Variants in MGMT observed in about 807,000 individuals in gnomAD.
MGMT encodes the protein O-6-methylguanine-DNA methyltransferase, also known as methylated-DNA--protein-cysteine methyltransferase.
Under a neutral mutation model 15.9 loss-of-function variants are expected in MGMT, and 14 were observed. That is an observed-to-expected ratio of 0.88 (90% CI 0.58 to 1.37). The LOEUF is 1.37. MGMT is among the 40% of genes most tolerant of loss of function. MGMT has a pLI of 0.00. For missense variants in MGMT, 282 were observed against 268.1 expected, an observed-to-expected ratio of 1.05 and a Z score of -0.36; for synonymous variants, 130 against 118.2, an observed-to-expected ratio of 1.10 and a Z score of -0.65.
intron 1 of MGMT, among the ~76,000 whole-genome samples, chr10:129,534,278 T>C (rs537895842): frequency 4.6e-5 from 7 of 152,240 alleles, no homozygotes; most frequent in African/African-American, 1.4e-4. Flanking sequence ...AGCCTGGTTT[T>C]TACCCTTGAG....
intron 3 of MGMT, among the ~76,000 whole-genome samples, chr10:129,726,342 C>A (rs964269576): frequency 6.6e-6 from 1 of 152,116 alleles, no homozygotes; most frequent in East Asian, 1.9e-4. Flanking sequence ...GGGCCACGTG[C>A]AGGTGGAGTC....
intron 2 of MGMT, among the ~76,000 whole-genome samples, chr10:129,649,035 C>T (rs979465153): frequency 2.6e-5 from 4 of 152,172 alleles, no homozygotes; most frequent in African/African-American, 9.7e-5. Flanking sequence ...TCTGCCTTTT[C>T]CTGTGGCTGT....
chr10:129,495,680 A>G (rs924303570), intron 1 of MGMT, among the ~76,000 whole-genome samples: 2 of 152,238 alleles, frequency 1.3e-5, no homozygotes, highest in Non-Finnish European at 2.9e-5. Flanking sequence ...AAACGATTGC[A>G]TGGACATGCC....
intron 1 of MGMT, among the ~76,000 whole-genome samples, chr10:129,476,881 C>G (rs1344570292): frequency 1.3e-5 from 2 of 152,174 alleles, no homozygotes; most frequent in Non-Finnish European, 2.9e-5. Context: ...CAGGGTCCAC[C>G]ACAGGAGTAG....
chr10:129,502,641 C>T (rs1845586187), intron 1 of MGMT, among the ~76,000 whole-genome samples: 3 of 152,170 alleles, frequency 2.0e-5, no homozygotes, highest in East Asian at 1.9e-4. Context: ...AATTTTTTCC[C>T]CTGCATGAAG....
chr10:129,565,703 C>CA (rs761682233), intron 2 of MGMT, among the ~76,000 whole-genome samples: 1 of 152,170 alleles, frequency 6.6e-6, no homozygotes, highest in Non-Finnish European at 1.5e-5. Context: ...GCCATAGCCA[C>CA]AGGAGCATCT....
chr10:129,561,489 T>C (rs925927806), intron 2 of MGMT, among the ~76,000 whole-genome samples: 3 of 152,204 alleles, frequency 2.0e-5, no homozygotes, highest in Non-Finnish European at 2.9e-5. Context: ...GGTGTGGAAA[T>C]AGAAGCTCAG....
intron 2 of MGMT, among the ~76,000 whole-genome samples, chr10:129,616,411 G>C (rs994964983): frequency 6.6e-6 from 1 of 152,186 alleles, no homozygotes; most frequent in African/African-American, 2.4e-5. Flanking sequence ...AAGGGGAAGC[G>C]AGGGCATAGA....
intron 1 of MGMT, among the ~76,000 whole-genome samples, chr10:129,510,523 G>C (rs34327808): frequency 0.15 from 22,244 of 152,128 alleles, 1,709 homozygotes; most frequent in African/African-American, 0.18. Flanking sequence ...TGGAAATTAT[G>C]GCTGACAGAT....
rs549897249 is a variant in MGMT, at chr10:129,500,940, GC to G, written c.-13+33645del. Among the ~76,000 whole-genome samples the G allele has an allele frequency of 3.6e-3, 543 of 152,300 alleles. 3 individuals are homozygous for G. Among genetic ancestry groups the G allele is most frequent in the Non-Finnish European group, 5.0e-3 (339 of 68,028 alleles). ...TAATGTGATTTCTGTTTCACTGACA[GC>G]TTTCATGTAAATTTAAAACTAGATA... On this transcript the variant is annotated intron_variant, in intron 1 of 4. Transcript: ENST00000651593.
intron 2 of MGMT, among the ~76,000 whole-genome samples, chr10:129,696,494 T>C (rs1848033977): frequency 6.6e-6 from 1 of 152,206 alleles, no homozygotes; most frequent in Non-Finnish European, 1.5e-5. Context: ...TACCACAAAA[T>C]CTGAAAAGGC....
intron 3 of MGMT, among the ~76,000 whole-genome samples, chr10:129,746,784 T>A (rs1420489213): frequency 1.3e-5 from 2 of 152,192 alleles, no homozygotes; most frequent in Non-Finnish European, 2.9e-5. Flanking sequence ...TTCTCTAACC[T>A]TTTTTGTCTC....
intron 4 of MGMT, among the ~76,000 whole-genome samples, chr10:129,764,533 G>A (rs1410123166): frequency 6.6e-6 from 1 of 152,254 alleles, no homozygotes; most frequent in African/African-American, 2.4e-5. Flanking sequence ...GAGATGCTGG[G>A]CACACGCCCC....
chr10:129,601,117 T>C (rs1319179616), intron 2 of MGMT, among the ~76,000 whole-genome samples: 1 of 151,726 alleles, frequency 6.6e-6, no homozygotes, highest in South Asian at 2.1e-4. Context: ...AAAACTTAGA[T>C]GTGAAAAATT....
intron 1 of MGMT, among the ~76,000 whole-genome samples, chr10:129,504,751 G>A (rs943281517): frequency 2.6e-5 from 4 of 152,166 alleles, no homozygotes; most frequent in Non-Finnish European, 4.4e-5. Flanking sequence ...CACCTCACAT[G>A]CCACCATGGG....
At chr10:129,558,162 G>A (rs903742060) in intron 2 of MGMT, among the ~76,000 whole-genome samples, 14 of 152,084 alleles carry the variant, frequency 9.2e-5, no homozygotes, top group Admixed American at 3.9e-4. Flanking sequence ...CTTGCGCTTC[G>A]GAGTCTTTTT....
chr10:129,736,758 G>A (rs546615012), intron 3 of MGMT, among the ~76,000 whole-genome samples: 9 of 151,768 alleles, frequency 5.9e-5, no homozygotes, highest in East Asian at 1.9e-4. Flanking sequence ...AGGCCTGGTG[G>A]TGACAAAATC....
At chr10:129,672,875 A>T (rs552113787) in intron 2 of MGMT, among the ~76,000 whole-genome samples, 1 of 152,158 alleles carries the variant, frequency 6.6e-6, no homozygotes, top group Non-Finnish European at 1.5e-5. Context: ...GTGCCATATT[A>T]GTACATTGGA....
intron 2 of MGMT, among the ~76,000 whole-genome samples, chr10:129,544,790 G>A (rs1411910689): frequency 6.6e-6 from 1 of 152,258 alleles, no homozygotes; most frequent in Non-Finnish European, 1.5e-5. Context: ...TGGTGAACAG[G>A]CTTGTCCACA....
Sources: gnomAD v4.1 joint callset for allele counts (sites outside exome capture counted in the v4.1 genomes callset) on GRCh38, gnomAD v4.1.1 for gene constraint, MANE v1.5 for transcripts, NCBI Gene and HGNC (gene_info 2026-07-23, HGNC 2026-07-21) for gene names.